Variants in CTNNA2 observed in about 807,000 individuals in gnomAD.
The protein encoded by CTNNA2 is catenin alpha-2.
A neutral mutation model predicts 101.0 loss-of-function variants in CTNNA2; 42 were observed. The observed-to-expected ratio is 0.42, with a 90% CI of 0.32 to 0.54. The LOEUF (loss-of-function observed/expected upper bound fraction) is 0.54, where lower values mean the gene tolerates loss of function less well. Ranked by LOEUF, CTNNA2 falls within the 20% of genes least tolerant of loss-of-function variation. The probability of loss-of-function intolerance (pLI) is 0.14; values close to 1 mark genes in which losing one functional copy is unlikely to be tolerated. For missense variants in CTNNA2, 871 were observed against 1,223.1 expected (o/e 0.71, Z 4.29); for synonymous variants, 450 against 456.4 (o/e 0.99, Z 0.18).
chr2:79,840,348 C>T lies in CTNNA2; in HGVS notation c.299-17665C>T, dbSNP rs569094103. Among the ~76,000 whole-genome samples, 2 of 152,270 alleles carry T rather than the reference C, an allele frequency of 1.3e-5. 1 individual carries two copies. The highest frequency in any genetic ancestry group is 4.8e-5 in the African/African-American group (2 of 41,548). ...CATTCTCCTATTCCTTGTGTGGCCA[C>T]GACAACTGTAGCTTATAAGTTATTA... On this transcript the variant is annotated intron_variant, in intron 3 of 18. Coordinates refer to ENST00000402739, the MANE Select transcript of CTNNA2 (RefSeq NM_001282597.3).
chr2:80,006,249 T>C (rs1369720688), intron 7 of CTNNA2, among the ~76,000 whole-genome samples: 1 of 152,024 alleles, frequency 6.6e-6, no homozygotes, highest in Non-Finnish European at 1.5e-5. Flanking sequence ...ATTCTAGATA[T>C]GCATATTTGC....
At chr2:79,947,797 G>T (rs4143780) in intron 7 of CTNNA2, among the ~76,000 whole-genome samples, 44,783 of 152,044 alleles carry the variant, frequency 0.29, 7,249 homozygotes, top group Non-Finnish European at 0.37. Flanking sequence ...ATGTCATGAA[G>T]TGGTGTAAGT....
At chr2:80,152,435 G>T (rs1048383623) in intron 7 of CTNNA2, among the ~76,000 whole-genome samples, 6 of 152,010 alleles carry the variant, frequency 3.9e-5, no homozygotes, top group Non-Finnish European at 7.4e-5. Context: ...AGCAGGGGTT[G>T]GTTCTCATTA....
chr2:80,096,974 T>C (rs930007945), intron 7 of CTNNA2, among the ~76,000 whole-genome samples: 13 of 151,418 alleles, frequency 8.6e-5, no homozygotes, highest in Admixed American at 7.3e-4. Flanking sequence ...TGCCAGTCTG[T>C]GTCTTTTAAT....
intron 7 of CTNNA2, among the ~76,000 whole-genome samples, chr2:80,154,517 A>T (rs1275588472): frequency 6.6e-6 from 1 of 152,126 alleles, no homozygotes; most frequent in African/African-American, 2.4e-5. Context: ...GCCTGAAAAC[A>T]TGTGACATTA....
chr2:80,547,271 A>G (rs1692157074), intron 11 of CTNNA2, among the ~76,000 whole-genome samples: 1 of 152,164 alleles, frequency 6.6e-6, no homozygotes, highest in Non-Finnish European at 1.5e-5. Context: ...TTGATGTAAC[A>G]TGCGGCCTGT....
At chr2:79,642,596 A>T (rs1680520179) in intron 1 of CTNNA2, among the ~76,000 whole-genome samples, 1 of 152,156 alleles carries the variant, frequency 6.6e-6, no homozygotes, top group Non-Finnish European at 1.5e-5. Context: ...GCTTTCCCAT[A>T]GTTTGGGCAC....
At chr2:79,649,006 G>A (rs1681028343) in intron 1 of CTNNA2, among the ~76,000 whole-genome samples, 1 of 152,056 alleles carries the variant, frequency 6.6e-6, no homozygotes. Flanking sequence ...GATTTGTCTG[G>A]GAACTATTGT....
intron 3 of CTNNA2, among the ~76,000 whole-genome samples, chr2:79,844,511 G>A (rs1391923466): frequency 6.6e-6 from 1 of 152,194 alleles, no homozygotes; most frequent in Non-Finnish European, 1.5e-5. Context: ...ATTTCCAGTA[G>A]TAGGAGACAA....
intron 7 of CTNNA2, among the ~76,000 whole-genome samples, chr2:79,982,265 T>G (rs369845721): frequency 1.2e-5 from 1 of 80,682 alleles, no homozygotes; most frequent in Non-Finnish European, 2.5e-5. Flanking sequence ...CACACACACA[T>G]AACATATATA....
chr2:80,033,543 C>T (rs955045791), intron 7 of CTNNA2, among the ~76,000 whole-genome samples: 11 of 152,160 alleles, frequency 7.2e-5, no homozygotes, highest in African/African-American at 2.7e-4. Context: ...CAGGCCACTG[C>T]ACACCAGCCT....
At chr2:80,243,071 G>A (rs1671063774) in intron 7 of CTNNA2, among the ~76,000 whole-genome samples, 1 of 152,182 alleles carries the variant, frequency 6.6e-6, no homozygotes, top group African/African-American at 2.4e-5. Context: ...TTAGAGAAGA[G>A]ACCAACATGT....
chr2:79,405,290 A>G (rs1678329687), intron 4 of CTNNA2, among the ~76,000 whole-genome samples: 2 of 152,058 alleles, frequency 1.3e-5, no homozygotes, highest in Non-Finnish European at 2.9e-5. Flanking sequence ...GCCAAGGGTC[A>G]GGTGAGACTG....
At chr2:79,923,800 G>A (rs1281249973) in intron 7 of CTNNA2, among the ~76,000 whole-genome samples, 1 of 151,956 alleles carries the variant, frequency 6.6e-6, no homozygotes, top group East Asian at 1.9e-4. Flanking sequence ...TGTTTCTATG[G>A]GATCCGCTTT....
chr2:79,357,538 G>T (rs912983677), intron 3 of CTNNA2, among the ~76,000 whole-genome samples: 1 of 152,140 alleles, frequency 6.6e-6, no homozygotes, highest in African/African-American at 2.4e-5. Flanking sequence ...AGATAGAAAA[G>T]AGAGAGAATG....
chr2:79,653,205 G>T (rs1246909177), intron 2 of CTNNA2, among the ~76,000 whole-genome samples: 1 of 152,054 alleles, frequency 6.6e-6, no homozygotes, highest in Admixed American at 6.6e-5. Context: ...CTGCTCTCTG[G>T]GCCTAGTTCA....
intron 7 of CTNNA2, among the ~76,000 whole-genome samples, chr2:80,075,611 T>A (rs1206613522): frequency 9.6e-5 from 10 of 104,034 alleles, no homozygotes; most frequent in African/African-American, 3.8e-4. Flanking sequence ...TATTTATACA[T>A]GTATAAATAT....
At chr2:80,512,149 C>CAAAAAAAAAA (rs59359924) in intron 9 of CTNNA2, among the ~76,000 whole-genome samples, 1 of 73,510 alleles carries the variant, frequency 1.4e-5, no homozygotes, top group Non-Finnish European at 2.3e-5. Context: ...CACTCTGTCT[C>CAAAAAAAAAA]AAAAAAAAAA....
intron 7 of CTNNA2, among the ~76,000 whole-genome samples, chr2:80,316,428 G>A (rs906568685): frequency 7.2e-5 from 11 of 152,208 alleles, no homozygotes; most frequent in Non-Finnish European, 1.6e-4. Context: ...ATTTTCTGAA[G>A]GTTCAAAGAT....
Sources: allele counts gnomAD v4.1 joint callset (sites outside exome capture counted in the v4.1 genomes callset), GRCh38; gene constraint gnomAD v4.1.1; transcripts MANE v1.5; gene names NCBI Gene and HGNC (gene_info 2026-07-23, HGNC 2026-07-21).